Variants in SLC41A3 observed in about 807,000 individuals in gnomAD.
SLC41A3 encodes solute carrier family 41 member 3.
Under a neutral mutation model 45.4 loss-of-function variants are expected in SLC41A3, and 44 were observed. That is an observed-to-expected ratio of 0.97 (90% CI 0.76 to 1.25). The LOEUF (loss-of-function observed/expected upper bound fraction) is 1.25, where lower values mean the gene tolerates loss of function less well. SLC41A3 is among the 50% of genes most tolerant of loss of function. The pLI is 0.00. For synonymous variants in SLC41A3, 256 were observed against 252.4 expected, an observed-to-expected ratio of 1.01 and a Z score of -0.13; for missense variants, 550 against 600.6, an observed-to-expected ratio of 0.92 and a Z score of 0.88.
Position 126,033,604 on chromosome 3 carries a change from C to CA in SLC41A3, c.453+2dup, listed in dbSNP as rs1941966629. The CA allele has an allele frequency of 6.2e-7, 1 of 1,611,644 alleles. No individual in the cohort carries two copies. The highest frequency in any genetic ancestry group is 8.5e-7 in the Non-Finnish European group (1 of 1,179,444). On this transcript the variant is annotated splice_region_variant and intron_variant, in intron 4 of 10. Coordinates refer to ENST00000360370, the MANE Select transcript of SLC41A3 (RefSeq NM_017836.4). ...GGGAGGGTCGGACAAGGTGAAGACT[C>CA]ACCTGGATGAGGGCCAGGTTGCTGC...
At chr3:126,062,617 G>A (rs1276107492) in intron 2 of SLC41A3, among the ~76,000 whole-genome samples, 2 of 152,206 alleles carry the variant, frequency 1.3e-5, no homozygotes, top group East Asian at 1.9e-4. Context: ...CATGTGGTGC[G>A]AGGCCTGGCA....
chr3:126,083,687 G>A (rs1042141330), intron 1 of SLC41A3, among the ~76,000 whole-genome samples: 2 of 152,010 alleles, frequency 1.3e-5, no homozygotes, highest in African/African-American at 4.8e-5. Flanking sequence ...GGCCAGGAAG[G>A]AGGAGACAGG....
At chr3:126,080,590 C>T (rs935059180) in intron 1 of SLC41A3, among the ~76,000 whole-genome samples, 1 of 152,184 alleles carries the variant, frequency 6.6e-6, no homozygotes, top group African/African-American at 2.4e-5. Flanking sequence ...AAGTGTTCCT[C>T]GTACACTGTT....
At chr3:126,067,036 ATGTG>A (rs36139693) in intron 2 of SLC41A3, among the ~76,000 whole-genome samples, 2 of 65,542 alleles carry the variant, frequency 3.1e-5, no homozygotes, top group Non-Finnish European at 6.8e-5. Flanking sequence ...ATCTGTGTCA[ATGTG>A]TGTCAATGTA....
intron 2 of SLC41A3, among the ~76,000 whole-genome samples, chr3:126,051,923 A>C (rs1186763119): frequency 6.6e-6 from 1 of 152,140 alleles, no homozygotes; most frequent in Admixed American, 6.5e-5. Flanking sequence ...AGAGCTGTGT[A>C]AAGATGTGCA....
At chr3:126,060,026 C>T (rs930808519) in intron 2 of SLC41A3, among the ~76,000 whole-genome samples, 5 of 152,192 alleles carry the variant, frequency 3.3e-5, no homozygotes, top group Admixed American at 6.5e-5. Flanking sequence ...GCACAGGAGA[C>T]GCAGAAATAA....
intron 1 of SLC41A3, among the ~76,000 whole-genome samples, chr3:126,098,401 C>T (rs556978865): frequency 1.3e-5 from 2 of 152,318 alleles, no homozygotes; most frequent in African/African-American, 4.8e-5. Context: ...GACTTCCAGC[C>T]TCCAGAACTG....
intron 6 of SLC41A3, among the ~76,000 whole-genome samples, chr3:126,017,695 G>A (rs1940445287): frequency 6.6e-6 from 1 of 152,120 alleles, no homozygotes; most frequent in Non-Finnish European, 1.5e-5. Flanking sequence ...ACCTGCCAAG[G>A]GGGCCCAACA....
intron 10 of SLC41A3, 137 bp from the exon 11 acceptor site, chr3:126,007,362 C>T: frequency 1.1e-6 from 1 of 943,376 alleles, no homozygotes; most frequent in South Asian, 1.6e-5. Context: ...TCCAGCTTCT[C>T]TTGGGGTCTG....
intron 1 of SLC41A3, among the ~76,000 whole-genome samples, chr3:126,089,434 A>G (rs897469804): frequency 1.3e-5 from 2 of 152,236 alleles, no homozygotes; most frequent in Non-Finnish European, 2.9e-5. Flanking sequence ...TTTTACCTAA[A>G]TGTCTTATGA....
chr3:126,011,696 A>C (rs575528195), intron 9 of SLC41A3, among the ~76,000 whole-genome samples: 1 of 152,236 alleles, frequency 6.6e-6, no homozygotes, highest in Non-Finnish European at 1.5e-5. Flanking sequence ...GAGAAATGGC[A>C]CCATACCTAT....
intron 3 of SLC41A3, among the ~76,000 whole-genome samples, chr3:126,038,283 G>A (rs1030224702): frequency 6.6e-6 from 1 of 152,212 alleles, no homozygotes; most frequent in Non-Finnish European, 1.5e-5. Flanking sequence ...TTGGGAAGGA[G>A]ACCACCACCC....
At chr3:126,091,453 C>T (rs1055141278) in intron 1 of SLC41A3, among the ~76,000 whole-genome samples, 2 of 152,088 alleles carry the variant, frequency 1.3e-5, no homozygotes, top group Admixed American at 6.5e-5. Flanking sequence ...GGAGAGGCTT[C>T]CAGGTCACAG....
chr3:126,055,093 G>T (rs1046190014), intron 2 of SLC41A3, among the ~76,000 whole-genome samples: 2 of 152,280 alleles, frequency 1.3e-5, no homozygotes, highest in East Asian at 3.9e-4. Context: ...CTCCAACTTG[G>T]ACCCAGGGGC....
intron 4 of SLC41A3, among the ~76,000 whole-genome samples, chr3:126,027,027 C>G (rs1302741913): frequency 6.6e-6 from 1 of 152,210 alleles, no homozygotes; most frequent in Non-Finnish European, 1.5e-5. Flanking sequence ...CTGATCTGGA[C>G]ATCGACACTG....
At chr3:126,078,626 TACCTCCTTTAATCCTTACGGGACTGTGGG>T (rs1944994006) in intron 1 of SLC41A3, among the ~76,000 whole-genome samples, 1 of 152,200 alleles carries the variant, frequency 6.6e-6, no homozygotes, top group African/African-American at 2.4e-5. Context: ...AGTATGCCTT[TACCTCCTTTAATCCTTACGGGACTGTGGG>T]AAGGCTAGAC....
intron 2 of SLC41A3, among the ~76,000 whole-genome samples, chr3:126,052,289 G>A (rs1398089592): frequency 6.6e-6 from 1 of 152,060 alleles, no homozygotes; most frequent in Non-Finnish European, 1.5e-5. Flanking sequence ...CATAGGGTGG[G>A]CCTCCGTCCT....
At chr3:126,039,887 G>C (rs1029172022) in intron 3 of SLC41A3, among the ~76,000 whole-genome samples, 5 of 152,234 alleles carry the variant, frequency 3.3e-5, no homozygotes, top group African/African-American at 1.2e-4. Flanking sequence ...TCCTAGTTCA[G>C]TGCACTGAGA....
At chr3:126,028,484 G>C (rs936891607) in intron 4 of SLC41A3, among the ~76,000 whole-genome samples, 2 of 152,270 alleles carry the variant, frequency 1.3e-5, no homozygotes, top group African/African-American at 4.8e-5. Context: ...CCTCCGCCTG[G>C]ATTTCAGAGG....
Sources: allele counts gnomAD v4.1 joint callset (sites outside exome capture counted in the v4.1 genomes callset), GRCh38; gene constraint gnomAD v4.1.1; transcripts MANE v1.5; gene names NCBI Gene and HGNC (gene_info 2026-07-23, HGNC 2026-07-21).